The following DAXX variants were observed in gnomAD, a reference collection of about 807,000 sequenced individuals.
DAXX encodes death domain associated protein, also known as death domain-associated protein 6.
Under a neutral mutation model 61.9 loss-of-function variants are expected in DAXX, and 24 were observed. The observed-to-expected ratio is 0.39, with a 90% CI of 0.28 to 0.55. The LOEUF (loss-of-function observed/expected upper bound fraction) is 0.55, where lower values mean the gene tolerates loss of function less well. Among genes scored for constraint, DAXX ranks in the 20% least tolerant of loss-of-function variants. The pLI is 0.69. For synonymous variants in DAXX, 357 were observed against 369.5 expected, an observed-to-expected ratio of 0.97 and a Z score of 0.39; for missense variants, 819 against 935.3, an observed-to-expected ratio of 0.88 and a Z score of 1.62.
chr6:33,321,206 C>T lies in DAXX; in HGVS notation c.569G>A (p.Arg190His), dbSNP rs1026215586. 4 of 1,612,544 alleles carry T rather than the reference C, an allele frequency of 2.5e-6. No individual in the cohort carries two copies. The highest frequency in any genetic ancestry group is 2.2e-5 in the East Asian group (1 of 44,884). ...RTRGSRRQIQ[R>H]LEQLLALYVA... is the part of the protein sequence containing the mutation. ...ATAGAGCGCCAGCAGCTGCTCCAAA[C>T]GCTGGATCTGCCGCCGGGAACCACG... Residue 190 changes from arginine (R) to histidine (H), a missense_variant, in exon 3 of 8, where the codon CGT becomes CAT. Coordinates refer to ENST00000374542, the MANE Select transcript of DAXX (RefSeq NM_001141969.2). The surrounding 1 kb of genome is among the most constrained non-coding windows in gnomAD (Gnocchi z 7.2).
At position 33,320,063 on chromosome 6, in the gene DAXX, C is replaced by T. The variant is rs774350850; in HGVS notation, c.1413G>A (p.Gln471=). 1.2e-6 allele frequency: 2 copies of T among 1,613,478 alleles called. No homozygotes were observed. The highest frequency in any genetic ancestry group is 1.7e-6 in the Non-Finnish European group (2 of 1,179,674). The change falls in exon 5 of 8, where the codon CAG becomes CAA. Residue 471 remains glutamine (Q), a synonymous_variant. Coordinates refer to ENST00000374542, the MANE Select transcript of DAXX (RefSeq NM_001141969.2). This position sits in a 1 kb window ranked among gnomAD's most constrained non-coding sequence, Gnocchi z 7.1. Reference sequence around the variant, plus strand: ...CCTCTTCATCATCCTCCTGACCCTCCTGCATCTGTTCCAGATCCTCCTCCT... The same window carrying T: ...CCTCTTCATCATCCTCCTGACCCTCTTGCATCTGTTCCAGATCCTCCTCCT... ...SEEEEDLEQM[Q]EGQEDDEEED...
Position 33,320,135 on chromosome 6 carries a change from CTCT to C in DAXX, c.1338_1340del (p.Glu457del), listed in dbSNP as rs1770382822. The C allele has an allele frequency of 6.2e-7, 1 of 1,612,828 alleles. No homozygotes were observed. The highest frequency in any genetic ancestry group is 1.3e-5 in the African/African-American group (1 of 74,850). On this transcript the variant is annotated inframe_deletion, in exon 5 of 8. Coordinates refer to ENST00000374542, the MANE Select transcript of DAXX (RefSeq NM_001141969.2). This position sits in a 1 kb window ranked among gnomAD's most constrained non-coding sequence, Gnocchi z 7.1. ...CCTCTTCTTCTTCCTCCTCCTCCTC[CTCT>C]TCCTCATCACTCTCCTCATCGTCTT...
Position 33,320,964 on chromosome 6 carries a change from T to C in DAXX, c.811A>G (p.Ile271Val). 1 of 1,614,024 alleles carries C rather than the reference T, an allele frequency of 6.2e-7. No homozygotes were observed. Among genetic ancestry groups the C allele is most frequent in the Non-Finnish European group, 8.5e-7 (1 of 1,179,896 alleles). Residue 271 changes from isoleucine to valine, a missense_variant, in exon 3 of 8, where the codon ATT becomes GTT. Physicochemically the swap from Ile to Val is conservative, Grantham distance 29. Coordinates refer to ENST00000374542, the MANE Select transcript of DAXX (RefSeq NM_001141969.2). The surrounding 1 kb of genome is among the most constrained non-coding windows in gnomAD (Gnocchi z 7.1). Reference sequence around the variant, plus strand: ...CCTGGCTTGTTGATGAGCCGCTCAATGCGCCTGTTAACCTCTGGGTAGCGG... The same window carrying C: ...CCTGGCTTGTTGATGAGCCGCTCAACGCGCCTGTTAACCTCTGGGTAGCGG... Reference protein sequence around the residue: ...GTRYPEVNRRIERLINKPGPD... With the variant: ...GTRYPEVNRRVERLINKPGPD...
rs183733170 is a variant in DAXX at position 33,321,610 on chromosome 6, G to T, written c.208-43C>A. 6.2e-7 allele frequency: 1 copy of T among 1,601,994 alleles called. No homozygotes were observed. Among genetic ancestry groups the T allele is most frequent in the Admixed American group, 1.7e-5 (1 of 59,488 alleles). On this transcript the variant is annotated intron_variant, in intron 2 of 7. Coordinates refer to ENST00000374542, the MANE Select transcript of DAXX (RefSeq NM_001141969.2). The surrounding 1 kb of genome is among the most constrained non-coding windows in gnomAD (Gnocchi z 7.2). ...AGAAGGAAGGGGAAGAGAGACAAGG[G>T]AGGGGGTTGAGAGAAAGGGGAGGTG...
chr6:33,321,615 G>A lies in DAXX; in HGVS notation c.208-48C>T. On this transcript the variant is annotated intron_variant, in intron 2 of 7. Transcript: ENST00000374542. The surrounding 1 kb of genome is among the most constrained non-coding windows in gnomAD (Gnocchi z 7.2). ...GAAGGGGAAGAGAGACAAGGGAGGG[G>A]GTTGAGAGAAAGGGGAGGTGGGGTT... is the stretch of plus-strand genomic sequence containing the variant. 1 of 1,601,632 alleles carries A rather than the reference G, an allele frequency of 6.2e-7. No individual in the cohort carries two copies. Among genetic ancestry groups the A allele is most frequent in the South Asian group, 1.1e-5 (1 of 90,372 alleles).
intron 1 of DAXX, among the ~76,000 whole-genome samples, chr6:33,322,457 G>A (rs939610671): frequency 1.3e-5 from 2 of 152,104 alleles, no homozygotes; most frequent in African/African-American, 2.4e-5. Flanking sequence ...CCTCCCAACA[G>A]TCCGTTCTCT....
Position 33,320,058 on chromosome 6 carries a change from C to A in DAXX, c.1418G>T (p.Gly473Val), listed in dbSNP as rs1371043404. ...EEEDLEQMQE[G>V]QEDDEEEDEE... ...GTCCTCCTCTTCATCATCCTCCTGACCCTCCTGCATCTGTTCCAGATCCTC... is the reference window on the plus strand; with the variant it reads ...GTCCTCCTCTTCATCATCCTCCTGAACCTCCTGCATCTGTTCCAGATCCTC... Residue 473 changes from glycine to valine, a missense_variant, in exon 5 of 8, where the codon GGT becomes GTT. Coordinates refer to ENST00000374542, the MANE Select transcript of DAXX (RefSeq NM_001141969.2). This position sits in a 1 kb window ranked among gnomAD's most constrained non-coding sequence, Gnocchi z 7.1. 1 of 1,613,228 alleles carries A rather than the reference C, an allele frequency of 6.2e-7. No homozygotes were observed. The highest frequency in any genetic ancestry group is 8.5e-7 in the Non-Finnish European group (1 of 1,179,610).
At position 33,321,768 on chromosome 6, in the gene DAXX, G is replaced by A. The variant is rs1436067809; in HGVS notation, c.158C>T (p.Ser53Leu). 2.4e-5 allele frequency: 38 copies of A among 1,613,154 alleles called. No individual in the cohort carries two copies. Among genetic ancestry groups the A allele is most frequent in the Non-Finnish European group, 3.2e-5 (38 of 1,179,718 alleles). Reference protein sequence around the residue: ...EPHGARGSSSSGGKKCYKLEN... With the variant: ...EPHGARGSSSLGGKKCYKLEN... The stretch of plus-strand genomic sequence containing the variant: ...CAGCTTGTAGCATTTCTTGCCGCCC[G>A]AACTACTGCTTCCTCTGGCCCCATG... The change falls in exon 2 of 8, where the codon TCG becomes TTG. Residue 53 changes from serine to leucine, a missense_variant. Coordinates refer to ENST00000374542, the MANE Select transcript of DAXX (RefSeq NM_001141969.2). This position sits in a 1 kb window ranked among gnomAD's most constrained non-coding sequence, Gnocchi z 7.2.
rs981409816 is a variant in DAXX at position 33,319,422 on chromosome 6, C to A, written c.1898G>T (p.Arg633Leu). 4 of 1,613,194 alleles carry A rather than the reference C, an allele frequency of 2.5e-6. No individual in the cohort carries two copies. The highest frequency in any genetic ancestry group is 3.3e-5 in the Admixed American group (2 of 59,958). The change falls in exon 6 of 8, where the codon CGG becomes CTG. Residue 633 changes from arginine to leucine, a missense_variant. By Grantham distance (102) the Arg-to-Leu change is moderately radical. Coordinates refer to ENST00000374542, the MANE Select transcript of DAXX (RefSeq NM_001141969.2). ...GDSGPPCKKS[R>L]KEKKQTGSGP... The stretch of plus-strand genomic sequence containing the variant: ...TGATCCTGTTTGCTTCTTCTCCTTC[C>A]GAGATTTTTTGCAGGGGGGACCAGA...
At chr6:33,322,838 A>T (rs2151002523) in intron 1 of DAXX, 24 bp downstream of exon 1, 3 of 851,012 alleles carry the variant, frequency 3.5e-6, no homozygotes, top group Non-Finnish European at 5.3e-6. Context: ...CCCGCCTCTG[A>T]TCCCCGCACC....
Position 33,322,895 on chromosome 6 carries a change from C to G in DAXX, c.-86G>C, listed in dbSNP as rs202133870. 1.4e-4 allele frequency: 207 copies of G among 1,443,026 alleles called. No homozygotes were observed. The African/African-American group carries it at 2.5e-3, about 18-fold the overall frequency. The allele number at this position is 1,443,026 out of a possible 1,614,324, so 89.4% of individuals were successfully genotyped here. ...CCGTCTCTCGAGGCGACCCTCGCCGCAATTCTCAGAACCTCGCATGGTTCC... is the reference window on the plus strand; with the variant it reads ...CCGTCTCTCGAGGCGACCCTCGCCGGAATTCTCAGAACCTCGCATGGTTCC... On this transcript the variant is annotated 5_prime_UTR_variant, in exon 1 of 8. Transcript: ENST00000374542.
rs1294836663 is a variant in DAXX at position 33,322,880 on chromosome 6, A to T, written c.-71T>A. 1 of 1,431,282 alleles carries T rather than the reference A, an allele frequency of 7.0e-7. No homozygotes were observed. Among genetic ancestry groups the T allele is most frequent in the Non-Finnish European group, 9.4e-7 (1 of 1,060,460 alleles). 88.7% of individuals were successfully genotyped at this position (1,431,282 alleles called of 1,614,324 possible). ...CCCCCACCTCAGAAACCGTCTCTCG[A>T]GGCGACCCTCGCCGCAATTCTCAGA... On this transcript the variant is annotated 5_prime_UTR_variant, in exon 1 of 8. Transcript: ENST00000374542.
In DAXX at chr6:33,320,794, T is replaced by G. The variant is rs1358690312; in HGVS notation, c.981A>C (p.Arg327=). The G allele has an allele frequency of 6.2e-7, 1 of 1,614,144 alleles. No homozygotes were observed. Among genetic ancestry groups the G allele is most frequent in the Admixed American group, 1.7e-5 (1 of 60,016 alleles). The part of the protein sequence containing the change: ...FRDVGIRLQE[R]RHLDLIYNFG... ...AGTTGTAGATGAGATCGAGGTGACG[T>G]CGCTCCTGTAACCTGATGCCCACAT... Residue 327 remains arginine (R), a synonymous_variant, in exon 3 of 8, where the codon CGA becomes CGC. Coordinates refer to ENST00000374542, the MANE Select transcript of DAXX (RefSeq NM_001141969.2). The surrounding 1 kb of genome is among the most constrained non-coding windows in gnomAD (Gnocchi z 7.1).
At chr6:33,322,820 TCCCCGC>T in intron 1 of DAXX, 36 bp downstream of exon 1, 7 of 956,812 alleles carry the variant, frequency 7.3e-6, no homozygotes, top group African/African-American at 1.7e-5. Context: ...TCCCTCTATA[TCCCCGC>T]CCCCGCCTCT....
In DAXX at chr6:33,319,152, G is replaced by C. The variant is rs1770199530; in HGVS notation, c.2008C>G (p.Pro670Ala). The C allele has an allele frequency of 1.9e-6, 3 of 1,614,034 alleles. No homozygotes were observed. Among genetic ancestry groups the C allele is most frequent in the African/African-American group, 1.3e-5 (1 of 74,936 alleles). Residue 670 changes from proline (P) to alanine (A), a missense_variant, in exon 7 of 8, where the codon CCT becomes GCT. Transcript: ENST00000374542. ...GGGGCCAAGGAAGCCAAGGGGGAAG[G>C]TGGGCTGGGCAGGGTACATATCTTT... ...GKKICTLPSP[P>A]SPLASLAPVA...
chr6:33,321,008 C>G lies in DAXX; in HGVS notation c.767G>C (p.Arg256Pro), dbSNP rs765273333. 1 of 1,613,788 alleles carries G rather than the reference C, an allele frequency of 6.2e-7. No individual in the cohort carries two copies. The highest frequency in any genetic ancestry group is 1.1e-5 in the South Asian group (1 of 91,082). ...SSLTGRVIEQ[R>P]IPYRGTRYPE... The stretch of plus-strand genomic sequence containing the variant: ...GTAGCGGGTGCCACGGTAGGGGATG[C>G]GCTGCTCTATGACACGGCCGGTCAG... Residue 256 changes from arginine (R) to proline (P), a missense_variant, in exon 3 of 8, where the codon CGC becomes CCC. Arg to Pro is a moderately radical substitution (Grantham distance 103, BLOSUM62 -2). Coordinates refer to ENST00000374542, the MANE Select transcript of DAXX (RefSeq NM_001141969.2). This position sits in a 1 kb window ranked among gnomAD's most constrained non-coding sequence, Gnocchi z 7.2.
rs938389316 is a variant in DAXX, at chr6:33,320,639, A to G, written c.1040-48T>C. ...AGAGCACTCAGCCCTTGAAGGGACT[A>G]GAAGAGTAAAAACCCTAGAAAGGAC... On this transcript the variant is annotated intron_variant, in intron 3 of 7. Coordinates refer to ENST00000374542, the MANE Select transcript of DAXX (RefSeq NM_001141969.2). This position sits in a 1 kb window ranked among gnomAD's most constrained non-coding sequence, Gnocchi z 7.1. 3.1e-6 allele frequency: 5 copies of G among 1,605,740 alleles called. No individual in the cohort carries two copies. The highest frequency in any genetic ancestry group is 1.1e-5 in the South Asian group (1 of 90,158).
At chr6:33,319,323 C>T (rs1249625181) in intron 6 of DAXX, 57 bp downstream of exon 6, 15 of 1,572,676 alleles carry the variant, frequency 9.5e-6, no homozygotes, top group East Asian at 6.7e-5. Context: ...TATTGCTCTC[C>T]GAAAGTCCCC....
rs2150985743 is a variant in DAXX at position 33,318,754 on chromosome 6, C to G, written c.2212G>C (p.Asp738His). ...CDPEEIIVLS[D>H]SD is the part of the protein sequence containing the mutation. ...AGAAGGGGAGGCAGCTAATCAGAGT[C>G]TGAGAGCACGATGATCTCTTCTGGA... The change falls in exon 8 of 8, where the codon GAC becomes CAC. Residue 738 changes from aspartate (D) to histidine (H), a missense_variant. Physicochemically the swap from Asp to His is moderately conservative, Grantham distance 81. Coordinates refer to ENST00000374542, the MANE Select transcript of DAXX (RefSeq NM_001141969.2). The G allele has an allele frequency of 6.5e-7, 1 of 1,527,358 alleles. No individual in the cohort carries two copies. 94.6% of individuals were successfully genotyped at this position (1,527,358 alleles called of 1,614,324 possible). A position where few individuals can be genotyped will look rare whatever the true frequency, so the allele number is the denominator to read the frequency against.
Sources: gnomAD v4.1 joint callset for allele counts (sites outside exome capture counted in the v4.1 genomes callset) on GRCh38, gnomAD v4.1.1 for gene constraint, Gnocchi (gnomAD v3.1) non-coding constraint, MANE v1.5 for transcripts, NCBI Gene and HGNC (gene_info 2026-07-23, HGNC 2026-07-21) for gene names.